The following CGGBP1 variants were observed in gnomAD, a reference collection of about 807,000 sequenced individuals.
The protein encoded by CGGBP1 is CGG triplet repeat-binding protein 1.
A neutral mutation model predicts 11.4 loss-of-function variants in CGGBP1; 4 were observed. That is an observed-to-expected ratio of 0.35 (90% confidence interval 0.17 to 0.80). CGGBP1 has a LOEUF of 0.80. Ranked by LOEUF, CGGBP1 falls within the 30% of genes least tolerant of loss-of-function variation. The pLI is 0.52. For synonymous variants in CGGBP1, 76 were observed against 74.1 expected (o/e 1.03, Z -0.13); for missense variants, 135 against 202.1 (o/e 0.67, Z 2.01).
At chr3:88,057,597 G>T (rs1254501095) in intron 2 of CGGBP1, 1 of 152,140 alleles carries the variant, frequency 6.6e-6, no homozygotes, top group African/African-American at 2.4e-5. Context: ...TACCAAATAT[G>T]GTTAATGGTT....
intron 2 of CGGBP1, chr3:88,086,259 G>T: frequency 6.5e-7 from 1 of 1,533,052 alleles, no homozygotes; most frequent in Non-Finnish European, 8.7e-7. Context: ...TCTGTCAGGT[G>T]GTTGAAGATT....
chr3:88,088,761 TATGGATGGATGGATGGATGG>T, intron 2 of CGGBP1, among the ~76,000 whole-genome samples: 1 of 126,488 alleles, frequency 7.9e-6, no homozygotes, highest in East Asian at 2.5e-4. Context: ...TGTATGTATG[TATGGATGGATGGATGGATGG>T]ATGGATGGAT....
intron 2 of CGGBP1, among the ~76,000 whole-genome samples, chr3:88,136,430 A>T (rs539961577): frequency 6.6e-6 from 1 of 152,198 alleles, no homozygotes. Context: ...AAATCATTCA[A>T]TTGCCTCAGT....
intron 2 of CGGBP1, among the ~76,000 whole-genome samples, chr3:88,130,352 C>G (rs1706372935): frequency 1.3e-5 from 2 of 152,142 alleles, no homozygotes; most frequent in Non-Finnish European, 2.9e-5. Flanking sequence ...CTGAAATGAT[C>G]ATGGGCTATA....
rs58079813 is a variant in CGGBP1, at chr3:88,139,135, C to T, written c.-229+1835G>A. On this transcript the variant is annotated intron_variant, in intron 2 of 3. Coordinates refer to the CGGBP1 transcript ENST00000462901. ...AATAATGCAGGTAATCTAAAAAGGA[C>T]GGAGGAACAGCAAGGTTTGGATGAA... 2,074 of 1,299,662 alleles carry T rather than the reference C, an allele frequency of 1.6e-3. 24 individuals are homozygous for T. The African/African-American group carries it at 0.027, about 17-fold the overall frequency. The allele number at this position is 1,299,662 out of a possible 1,614,324, so 80.5% of individuals were successfully genotyped here.
intron 2 of CGGBP1, among the ~76,000 whole-genome samples, chr3:88,134,466 C>A (rs1375739308): frequency 6.6e-6 from 1 of 152,024 alleles, no homozygotes; most frequent in Non-Finnish European, 1.5e-5. Context: ...TAAAAACCCA[C>A]CGCTCCTAGC....
rs544112347 is a variant in CGGBP1, at chr3:88,125,244, A to C, written c.-229+15726T>G. Among the ~76,000 whole-genome samples the C allele has an allele frequency of 1.3e-3, 198 of 151,900 alleles. 1 individual carries two copies. The highest frequency in any genetic ancestry group is 6.8e-3 in the Middle Eastern group (2 of 294). ...AAAAAAAACAAAAAAACAAAAAAAAACCAATATCTAATAAAGTATGTAATG... is the reference window on the plus strand; with the variant it reads ...AAAAAAAACAAAAAAACAAAAAAAACCCAATATCTAATAAAGTATGTAATG... On this transcript the variant is annotated intron_variant, in intron 2 of 3. Transcript: ENST00000462901.
At chr3:88,080,687 G>C (rs1372813323) in intron 2 of CGGBP1, among the ~76,000 whole-genome samples, 1 of 152,058 alleles carries the variant, frequency 6.6e-6, no homozygotes, top group Non-Finnish European at 1.5e-5. Context: ...CTACAGGCAA[G>C]GGCAAATCTT....
chr3:88,080,455 T>C (rs1475982143), intron 2 of CGGBP1, among the ~76,000 whole-genome samples: 1 of 152,182 alleles, frequency 6.6e-6, no homozygotes, highest in Non-Finnish European at 1.5e-5. Flanking sequence ...TTTTAATATA[T>C]GTCTTATTTA....
chr3:88,082,794 ATTAC>A (rs1190904736), intron 2 of CGGBP1, among the ~76,000 whole-genome samples: 2 of 152,200 alleles, frequency 1.3e-5, no homozygotes, highest in Non-Finnish European at 2.9e-5. Flanking sequence ...ATAGTTGTGT[ATTAC>A]TTAGGCTGCC....
intron 2 of CGGBP1, among the ~76,000 whole-genome samples, chr3:88,100,326 G>A (rs1209691156): frequency 2.6e-5 from 4 of 152,172 alleles, no homozygotes; most frequent in Non-Finnish European, 5.9e-5. Flanking sequence ...GGAAACAACA[G>A]GTGCTGGAGA....
At position 88,135,040 on chromosome 3, in the gene CGGBP1, CTCT is replaced by C. The variant is rs1298192628; in HGVS notation, c.-229+5927_-229+5929del. ...TGAATAAACTGTATTTTTGATAATT[CTCT>C]TTTTTTCTCATTTACAGGGAGTTGA... is the stretch of plus-strand genomic sequence containing the variant. On this transcript the variant is annotated intron_variant, in intron 2 of 3. Transcript: ENST00000462901. 3.0e-6 allele frequency: 4 copies of C among 1,354,598 alleles called. No individual in the cohort carries two copies. In the Admixed American group the frequency reaches 1.1e-4, roughly 36 times the overall value. 83.9% of individuals were successfully genotyped at this position (1,354,598 alleles called of 1,614,324 possible).
chr3:88,123,325 A>C (rs1376429538), intron 2 of CGGBP1, among the ~76,000 whole-genome samples: 2 of 152,204 alleles, frequency 1.3e-5, no homozygotes, highest in African/African-American at 4.8e-5. Flanking sequence ...TGACCCACGA[A>C]GTGTACATAC....
At chr3:88,080,588 A>T (rs1708027205) in intron 2 of CGGBP1, among the ~76,000 whole-genome samples, 1 of 152,168 alleles carries the variant, frequency 6.6e-6, no homozygotes, top group South Asian at 2.1e-4. Context: ...ATTCAAACCT[A>T]GGTCTGTCTG....
chr3:88,139,679 AGAT>A (rs1410433464), intron 2 of CGGBP1: 2 of 1,602,272 alleles, frequency 1.2e-6, no homozygotes, highest in African/African-American at 2.7e-5. Context: ...GTGTACCAGA[AGAT>A]GTTATTGAAA....
At chr3:88,135,484 A>G (rs1706720925) in intron 2 of CGGBP1, 1 of 206,826 alleles carries the variant, frequency 4.8e-6, no homozygotes, top group Admixed American at 5.9e-5. Context: ...CCTAAATCCC[A>G]TTTATAGAAT....
chr3:88,090,515 G>T (rs1198174566), intron 2 of CGGBP1, among the ~76,000 whole-genome samples: 1 of 151,574 alleles, frequency 6.6e-6, no homozygotes, highest in Non-Finnish European at 1.5e-5. Flanking sequence ...TAGTCAAAAA[G>T]TTAAAAGTAA....
chr3:88,059,301 G>C, upstream of CGGBP1: 1 of 1,533,056 alleles, frequency 6.5e-7, no homozygotes, highest in Non-Finnish European at 8.7e-7. Flanking sequence ...GCTGGTACGC[G>C]CTGGGCGGCG....
intron 2 of CGGBP1, among the ~76,000 whole-genome samples, chr3:88,116,535 A>G (rs1393274687): frequency 7.7e-6 from 1 of 130,466 alleles, no homozygotes; most frequent in African/African-American, 2.9e-5. Flanking sequence ...AAAAGAAAAA[A>G]AAATACATAC....
Sources: gnomAD v4.1 joint callset for allele counts (sites outside exome capture counted in the v4.1 genomes callset) on GRCh38, gnomAD v4.1.1 for gene constraint, MANE v1.5 for transcripts, NCBI Gene and HGNC (gene_info 2026-07-23, HGNC 2026-07-21) for gene names.